Variants in KCND2 observed in about 807,000 individuals in gnomAD.
KCND2 encodes the protein A-type voltage-gated potassium channel KCND2.
In KCND2, 16 loss-of-function variants were observed where a neutral mutation model predicts 54.4. The ratio of observed to expected loss-of-function variants is 0.29; its 90% CI spans 0.20 to 0.45. KCND2 has a LOEUF of 0.45. Among genes scored for constraint, KCND2 ranks in the 20% least tolerant of loss-of-function variants. The probability of loss-of-function intolerance (pLI) is 1.00; values close to 1 mark genes in which losing one functional copy is unlikely to be tolerated. For synonymous variants in KCND2, 317 were observed against 310.7 expected, an observed-to-expected ratio of 1.02 and a Z score of -0.21; for missense variants, 486 against 824.2, an observed-to-expected ratio of 0.59 and a Z score of 5.02.
At chr7:120,485,890 A>T (rs1802686435) in intron 1 of KCND2, among the ~76,000 whole-genome samples, 1 of 152,188 alleles carries the variant, frequency 6.6e-6, no homozygotes, top group Non-Finnish European at 1.5e-5. Context: ...AACACCTGGA[A>T]TACAGAAAGT....
At chr7:120,501,058 A>G (rs1170656458) in intron 1 of KCND2, among the ~76,000 whole-genome samples, 1 of 151,892 alleles carries the variant, frequency 6.6e-6, no homozygotes, top group Non-Finnish European at 1.5e-5. Flanking sequence ...CTAAAGCTAT[A>G]TTTTGAGGGT....
intron 1 of KCND2, among the ~76,000 whole-genome samples, chr7:120,360,484 C>T (rs1481695368): frequency 1.3e-5 from 2 of 151,992 alleles, no homozygotes; most frequent in East Asian, 3.9e-4. Flanking sequence ...GAAAGACTAT[C>T]CATTTTAAAA....
chr7:120,604,409 A>G (rs1410191921), intron 1 of KCND2, among the ~76,000 whole-genome samples: 1 of 150,906 alleles, frequency 6.6e-6, no homozygotes, highest in East Asian at 1.9e-4. Context: ...GAGGCAGGAG[A>G]ATCACTTCAA....
rs138041006 is a variant in KCND2, at chr7:120,659,480, A to G, written c.1116-73423A>G. Among the ~76,000 whole-genome samples the G allele has an allele frequency of 2.5e-3, 387 of 152,338 alleles. 2 individuals are homozygous for G. Among genetic ancestry groups the G allele is most frequent in the South Asian group, 0.019 (91 of 4,828 alleles). On this transcript the variant is annotated intron_variant, in intron 1 of 5. Coordinates refer to ENST00000331113, the MANE Select transcript of KCND2 (RefSeq NM_012281.3). Reference sequence around the variant, plus strand: ...GAAGGAAATATTTGTGTGTGGAATTATGTGTCATATTTAAATTCCGTATAT... The same window carrying G: ...GAAGGAAATATTTGTGTGTGGAATTGTGTGTCATATTTAAATTCCGTATAT...
chr7:120,562,266 AT>A (rs1314193596), intron 1 of KCND2, among the ~76,000 whole-genome samples: 1 of 152,222 alleles, frequency 6.6e-6, no homozygotes, highest in African/African-American at 2.4e-5. Flanking sequence ...AGACAACAAA[AT>A]TAACTGAGAT....
intron 1 of KCND2, among the ~76,000 whole-genome samples, chr7:120,546,900 C>A (rs539600681): frequency 2.4e-4 from 37 of 151,468 alleles, no homozygotes; most frequent in African/African-American, 8.7e-4. Flanking sequence ...AATACAAATA[C>A]TTGTCTTTAA....
At chr7:120,643,401 C>T (rs1207810397) in intron 1 of KCND2, among the ~76,000 whole-genome samples, 4 of 151,988 alleles carry the variant, frequency 2.6e-5, no homozygotes, top group Non-Finnish European at 5.9e-5. Context: ...AAACAATTAA[C>T]ATAAAAATAT....
intron 1 of KCND2, among the ~76,000 whole-genome samples, chr7:120,326,353 T>G (rs1799977720): frequency 1.3e-5 from 2 of 152,120 alleles, no homozygotes; most frequent in African/African-American, 2.4e-5. Context: ...ACTTTGTTCA[T>G]TGACAGCTGG....
chr7:120,647,976 T>C (rs865896607), intron 1 of KCND2, among the ~76,000 whole-genome samples: 3 of 152,334 alleles, frequency 2.0e-5, no homozygotes, highest in Middle Eastern at 3.4e-3. Context: ...TTTGTCGGCA[T>C]GTCTAAGTAC....
intron 1 of KCND2, among the ~76,000 whole-genome samples, chr7:120,416,702 T>A (rs544096537): frequency 1.3e-5 from 2 of 150,044 alleles, no homozygotes; most frequent in Admixed American, 6.7e-5. Flanking sequence ...TTCAACTGAC[T>A]GAATGTTTAT....
intron 1 of KCND2, among the ~76,000 whole-genome samples, chr7:120,485,568 T>C (rs918285455): frequency 2.0e-5 from 3 of 152,196 alleles, no homozygotes; most frequent in South Asian, 4.1e-4. Context: ...ATGACCTGAC[T>C]CTACTGAATT....
At chr7:120,579,889 A>C (rs1001874933) in intron 1 of KCND2, among the ~76,000 whole-genome samples, 2 of 152,098 alleles carry the variant, frequency 1.3e-5, no homozygotes, top group Non-Finnish European at 2.9e-5. Flanking sequence ...TTTTGTTAGG[A>C]TTATGGAGGG....
chr7:120,705,501 G>A (rs1792456621), intron 1 of KCND2, among the ~76,000 whole-genome samples: 1 of 152,136 alleles, frequency 6.6e-6, no homozygotes, highest in Admixed American at 6.6e-5. Flanking sequence ...CTCCAAGGCT[G>A]TTTTCTCACT....
intron 1 of KCND2, among the ~76,000 whole-genome samples, chr7:120,596,967 A>G (rs559190171): frequency 6.6e-6 from 1 of 152,368 alleles, no homozygotes; most frequent in East Asian, 1.9e-4. Context: ...CAGAAAACTT[A>G]GACTTGAAGA....
chr7:120,552,437 A>G (rs1584824716), intron 1 of KCND2, among the ~76,000 whole-genome samples: 1 of 152,244 alleles, frequency 6.6e-6, no homozygotes, highest in East Asian at 1.9e-4. Flanking sequence ...AACAAGAGAA[A>G]AGCATACAAA....
At chr7:120,590,135 C>A (rs1338488199) in intron 1 of KCND2, among the ~76,000 whole-genome samples, 1 of 152,196 alleles carries the variant, frequency 6.6e-6, no homozygotes, top group Non-Finnish European at 1.5e-5. Context: ...AATCGTGCCT[C>A]AGCCTCTCGA....
chr7:120,604,510 C>CAAT (rs36229417), intron 1 of KCND2, among the ~76,000 whole-genome samples: 217 of 140,242 alleles, frequency 1.5e-3, no homozygotes, highest in East Asian at 0.011. Context: ...CTAAAAATAA[C>CAAT]AATAATAATA....
In KCND2 at chr7:120,458,979, ATATAT is replaced by A. The variant is rs969606004; in HGVS notation, c.1115+183236_1115+183240del. ...TATTTCCTAGTAATATCAGTATCTA[ATATAT>A]TATTATTATTTTTATTACTTCCTAC... is the stretch of plus-strand genomic sequence containing the variant. On this transcript the variant is annotated intron_variant, in intron 1 of 5. Coordinates refer to ENST00000331113, the MANE Select transcript of KCND2 (RefSeq NM_012281.3). 8.5e-4 allele frequency among the ~76,000 whole-genome samples: 129 copies of A among 151,738 alleles called. 1 individual carries two copies. The highest frequency in any genetic ancestry group is 7.0e-3 in the Admixed American group (107 of 15,208).
intron 1 of KCND2, among the ~76,000 whole-genome samples, chr7:120,495,342 CT>C (rs34153928): frequency 3.4e-4 from 50 of 147,808 alleles, no homozygotes; most frequent in Middle Eastern, 3.5e-3. Context: ...AGAATGACAA[CT>C]TTTTTTTTTT....
Sources: gnomAD v4.1 joint callset for allele counts (sites outside exome capture counted in the v4.1 genomes callset) on GRCh38, gnomAD v4.1.1 for gene constraint, MANE v1.5 for transcripts, NCBI Gene and HGNC (gene_info 2026-07-23, HGNC 2026-07-21) for gene names.